COL22A1: variants seen among roughly 807,000 people sequenced by gnomAD.
COL22A1 encodes the protein collagen type XXII alpha 1 chain, also known as collagen alpha-1(XXII) chain.
A neutral mutation model predicts 248.9 loss-of-function variants in COL22A1; 221 were observed. The observed-to-expected ratio is 0.89, with a 90% CI of 0.80 to 0.99. COL22A1 has a LOEUF of 0.99. Ranked by LOEUF, COL22A1 falls within the 50% of genes least tolerant of loss-of-function variation. COL22A1 has a pLI of 0.00. For synonymous variants in COL22A1, 891 were observed against 793.4 expected, an observed-to-expected ratio of 1.12 and a Z score of -2.07; for missense variants, 2,240 against 2,179.0, an observed-to-expected ratio of 1.03 and a Z score of -0.56.
chr8:138,672,646 C>T (rs530725822), intron 41 of COL22A1, among the ~76,000 whole-genome samples: 13 of 152,284 alleles, frequency 8.5e-5, no homozygotes, highest in South Asian at 4.1e-4. Flanking sequence ...CAAAAAGGGA[C>T]GTCATTTCAG....
At chr8:138,697,891 CT>C (rs903091577) in intron 32 of COL22A1, among the ~76,000 whole-genome samples, 8 of 151,978 alleles carry the variant, frequency 5.3e-5, no homozygotes, top group Admixed American at 2.0e-4. Context: ...CACAATGAAA[CT>C]TTTTTTTTCC....
In COL22A1 at chr8:138,636,797, T is replaced by C. The variant is rs758382045; in HGVS notation, c.3502-2A>G. The C allele has an allele frequency of 5.6e-6, 9 of 1,611,988 alleles. No individual in the cohort carries two copies. The South Asian group carries it at 9.9e-5, about 18-fold the overall frequency. On this transcript the variant is annotated splice_acceptor_variant, in intron 47 of 64. Coordinates refer to ENST00000303045, the MANE Select transcript of COL22A1 (RefSeq NM_152888.3). LOFTEE classifies it high-confidence loss of function. Reference sequence around the variant, plus strand: ...TGCACCACGTTCTCCTTGACTTCCCTTGAAAGGAAAAAAAAGAAAAGAAAG... The same window carrying C: ...TGCACCACGTTCTCCTTGACTTCCCCTGAAAGGAAAAAAAAGAAAAGAAAG...
chr8:138,808,612 G>T (rs1173987400), intron 9 of COL22A1, among the ~76,000 whole-genome samples: 1 of 152,148 alleles, frequency 6.6e-6, no homozygotes, highest in Non-Finnish European at 1.5e-5. Flanking sequence ...ACATGTAAAT[G>T]TCGCCAAGCT....
chr8:138,769,944 C>G (rs1364640667), intron 16 of COL22A1, among the ~76,000 whole-genome samples: 4 of 152,178 alleles, frequency 2.6e-5, no homozygotes, highest in Admixed American at 6.5e-5. Context: ...GGACCTTCTA[C>G]CAGGTGCCAA....
chr8:138,836,944 T>C (rs1295214679), intron 4 of COL22A1, among the ~76,000 whole-genome samples: 1 of 152,172 alleles, frequency 6.6e-6, no homozygotes, highest in Admixed American at 6.5e-5. Flanking sequence ...GGGCATCTAT[T>C]ATGTTTAACG....
intron 1 of COL22A1, among the ~76,000 whole-genome samples, chr8:138,901,857 T>C (rs768656117): frequency 1.3e-5 from 2 of 151,852 alleles, no homozygotes; most frequent in Non-Finnish European, 2.9e-5. Flanking sequence ...CTTGGACCTA[T>C]GTGAATGAAG....
chr8:138,781,971 G>A (rs1454494031), intron 12 of COL22A1, among the ~76,000 whole-genome samples: 2 of 152,192 alleles, frequency 1.3e-5, no homozygotes, highest in African/African-American at 4.8e-5. Context: ...TACATCATCT[G>A]ATTTACTCAT....
In COL22A1 at chr8:138,757,885, C is replaced by T. The variant is rs187964834; in HGVS notation, c.1903-2056G>A. Among the ~76,000 whole-genome samples, 96 of 152,334 alleles carry T rather than the reference C, an allele frequency of 6.3e-4. 1 individual carries two copies. In the East Asian group the frequency reaches 0.014, roughly 22 times the overall value. On this transcript the variant is annotated intron_variant, in intron 18 of 64. Transcript: ENST00000303045. ...TGGCCACTGTGGTGGCCCGTCTCCA[C>T]GACGGTCCCCCGTAGTCCCTGCTTC...
intron 30 of COL22A1, among the ~76,000 whole-genome samples, chr8:138,710,561 C>G (rs562008733): frequency 1.3e-5 from 2 of 151,158 alleles, no homozygotes; most frequent in South Asian, 2.1e-4. Flanking sequence ...ATGTGTGAAT[C>G]CATTTCATCT....
At chr8:138,849,617 C>A (rs1324759309) in intron 3 of COL22A1, among the ~76,000 whole-genome samples, 1 of 152,242 alleles carries the variant, frequency 6.6e-6, no homozygotes, top group Non-Finnish European at 1.5e-5. Context: ...GTCTGTGTGT[C>A]TCCAAAGCCT....
chr8:138,821,065 G>C, intron 7 of COL22A1, 71 bp downstream of exon 7: 2 of 1,529,276 alleles, frequency 1.3e-6, no homozygotes, highest in South Asian at 1.2e-5. Context: ...AGAACACTGA[G>C]GGCACTTAGC....
chr8:138,798,045 CTT>C (rs961609225), intron 11 of COL22A1, among the ~76,000 whole-genome samples: 13 of 151,336 alleles, frequency 8.6e-5, no homozygotes, highest in African/African-American at 2.9e-4. Context: ...CTATTTGTCT[CTT>C]TGAATACAAA....
Position 138,602,104 on chromosome 8 carries a change from T to C in COL22A1, c.4185+11A>G. On this transcript the variant is annotated intron_variant, in intron 60 of 64. Coordinates refer to ENST00000303045, the MANE Select transcript of COL22A1 (RefSeq NM_152888.3). ...TTCGGCGTGTTCAAGGTGCCTGTGC[T>C]CTCCACTCACCCTTTCTCCTTTGAA... 6.2e-7 allele frequency: 1 copy of C among 1,614,020 alleles called. No individual in the cohort carries two copies. Among genetic ancestry groups the C allele is most frequent in the South Asian group, 1.1e-5 (1 of 91,068 alleles).
At chr8:138,726,435 T>C (rs1362425930) in intron 23 of COL22A1, among the ~76,000 whole-genome samples, 1 of 147,708 alleles carries the variant, frequency 6.8e-6, no homozygotes, top group Non-Finnish European at 1.5e-5. Flanking sequence ...AGTTTGAGGC[T>C]GCAGTGAGCT....
In COL22A1 at chr8:138,792,812, G is replaced by A. The variant is rs548229382; in HGVS notation, c.1596+4007C>T. 1.6e-4 allele frequency among the ~76,000 whole-genome samples: 25 copies of A among 152,280 alleles called. 2 individuals are homozygous for A. The South Asian group carries it at 5.2e-3, about 32-fold the overall frequency. On this transcript the variant is annotated intron_variant, in intron 12 of 64. Transcript: ENST00000303045. ...GGTCACTCCCCTTGTCTAAGCCTCA[G>A]TTTCCTTAGCTGCCAAAGAACAGTG...
chr8:138,701,477 C>T (rs1164903323), intron 31 of COL22A1, among the ~76,000 whole-genome samples: 1 of 152,136 alleles, frequency 6.6e-6, no homozygotes, highest in Non-Finnish European at 1.5e-5. Context: ...GTCCCCAACC[C>T]CTGTCCCTTT....
chr8:138,685,939 A>G (rs1826314634), intron 37 of COL22A1, among the ~76,000 whole-genome samples: 1 of 152,048 alleles, frequency 6.6e-6, no homozygotes, highest in Admixed American at 6.5e-5. Flanking sequence ...GGGCAAATCT[A>G]TTTCCGGTGC....
chr8:138,888,195 G>GCACAGGTTCTCAATGACCCTGTGA (rs1408676173), intron 1 of COL22A1, among the ~76,000 whole-genome samples: 6 of 152,192 alleles, frequency 3.9e-5, no homozygotes, highest in Admixed American at 6.5e-5. Flanking sequence ...AGCCTACCCT[G>GCACAGGTTCTCAATGACCCTGTGA]CACAGGTTCT....
intron 3 of COL22A1, among the ~76,000 whole-genome samples, chr8:138,869,630 C>A (rs1823167754): frequency 6.6e-6 from 1 of 151,770 alleles, no homozygotes; most frequent in African/African-American, 2.4e-5. Flanking sequence ...AGTTTTCCAT[C>A]ATTTTCAGTA....
Sources: gnomAD v4.1 joint callset for allele counts (sites outside exome capture counted in the v4.1 genomes callset) on GRCh38, gnomAD v4.1.1 for gene constraint, MANE v1.5 for transcripts, NCBI Gene and HGNC (gene_info 2026-07-23, HGNC 2026-07-21) for gene names.